The following COX7B2 variants were observed in gnomAD, a reference collection of about 807,000 sequenced individuals.
COX7B2 encodes cytochrome c oxidase subunit 7B2, mitochondrial.
For missense variants in COX7B2, 109 were observed against 95.9 expected, an observed-to-expected ratio of 1.14 and a Z score of -0.57; for synonymous variants, 37 against 32.1, an observed-to-expected ratio of 1.15 and a Z score of -0.51.
chr4:46,848,195 G>T (rs1716419152), intron 1 of COX7B2, among the ~76,000 whole-genome samples: 1 of 151,974 alleles, frequency 6.6e-6, no homozygotes, highest in African/African-American at 2.4e-5. Flanking sequence ...TGTTTATGAG[G>T]CTTTGAAGGT....
At chr4:46,818,096 C>T (rs541992390) in intron 2 of COX7B2, among the ~76,000 whole-genome samples, 1 of 152,200 alleles carries the variant, frequency 6.6e-6, no homozygotes, top group South Asian at 2.1e-4. Context: ...CTTGGATGGA[C>T]TATTTGAAAA....
chr4:46,758,725 G>A (rs564809927), intron 2 of COX7B2, among the ~76,000 whole-genome samples: 92 of 152,210 alleles, frequency 6.0e-4, no homozygotes, highest in Non-Finnish European at 9.0e-4. Flanking sequence ...GCATAGGAGC[G>A]TAGCCAGCAT....
chr4:46,766,510 G>A (rs1019747870), intron 2 of COX7B2, among the ~76,000 whole-genome samples: 1 of 151,922 alleles, frequency 6.6e-6, no homozygotes, highest in African/African-American at 2.4e-5. Context: ...GACCAGCCTG[G>A]CTAACATGGT....
chr4:46,897,731 T>C (rs1213838219), intron 1 of COX7B2, among the ~76,000 whole-genome samples: 1 of 152,120 alleles, frequency 6.6e-6, no homozygotes, highest in Non-Finnish European at 1.5e-5. Context: ...CAGTCTGCAA[T>C]AACAGATGAC....
At chr4:46,836,957 T>C (rs748871964) in intron 2 of COX7B2, among the ~76,000 whole-genome samples, 9 of 152,116 alleles carry the variant, frequency 5.9e-5, no homozygotes, top group Non-Finnish European at 1.0e-4. Flanking sequence ...TGAATATATA[T>C]TGACACTAAA....
intron 2 of COX7B2, among the ~76,000 whole-genome samples, chr4:46,810,394 G>T (rs1719228354): frequency 6.6e-6 from 1 of 151,840 alleles, no homozygotes; most frequent in South Asian, 2.1e-4. Context: ...ATAATTTTCT[G>T]TAGTGCTAAC....
intron 2 of COX7B2, among the ~76,000 whole-genome samples, chr4:46,807,948 A>G (rs1719089638): frequency 6.6e-6 from 1 of 151,938 alleles, no homozygotes; most frequent in Non-Finnish European, 1.5e-5. Flanking sequence ...ATTTTAAATC[A>G]GGAAATATGA....
chr4:46,847,518 T>G (rs1401795195), intron 1 of COX7B2, among the ~76,000 whole-genome samples: 6 of 152,078 alleles, frequency 3.9e-5, no homozygotes, highest in African/African-American at 1.4e-4. Context: ...ACTGCAGCCT[T>G]GCAGAAGACC....
chr4:46,790,279 C>G (rs1717969681), intron 2 of COX7B2, among the ~76,000 whole-genome samples: 1 of 152,122 alleles, frequency 6.6e-6, no homozygotes, highest in Non-Finnish European at 1.5e-5. Context: ...AGATGATTAA[C>G]AGTTTGTATG....
At chr4:46,803,604 G>A (rs546247331) in intron 2 of COX7B2, among the ~76,000 whole-genome samples, 12 of 151,934 alleles carry the variant, frequency 7.9e-5, no homozygotes, top group Non-Finnish European at 1.8e-4. Flanking sequence ...AAAGTGTTTA[G>A]CATATATTTA....
intron 2 of COX7B2, among the ~76,000 whole-genome samples, chr4:46,739,818 C>T (rs1478513306): frequency 6.6e-6 from 1 of 151,950 alleles, no homozygotes; most frequent in Admixed American, 6.6e-5. Flanking sequence ...AAATGCCCAA[C>T]AGATGAGCCT....
At chr4:46,735,980 G>T (rs183994207) in intron 2 of COX7B2, among the ~76,000 whole-genome samples, 1 of 152,012 alleles carries the variant, frequency 6.6e-6, no homozygotes, top group Admixed American at 6.6e-5. Context: ...TTCCACCAGG[G>T]TTGTACATTT....
chr4:46,735,186 A>G lies in COX7B2; in HGVS notation c.7T>C (p.Phe3Leu). 1 of 1,613,088 alleles carries G rather than the reference A, an allele frequency of 6.2e-7. No homozygotes were observed. Among genetic ancestry groups the G allele is most frequent in the Non-Finnish European group, 8.5e-7 (1 of 1,179,732 alleles). ...CTTAGTGCATTTCTGGCCAAGGGAA[A>G]CATCATGAAGGATTGCAGTTGCCTT... MM[F>L]PLARNALSSL... The change falls in exon 3 of 3, where the codon TTT (phenylalanine) becomes CTT (leucine). Residue 3 changes from phenylalanine to leucine, a missense_variant. Physicochemically the swap from Phe to Leu is conservative, Grantham distance 22 (BLOSUM62 0). Coordinates refer to ENST00000355591, the MANE Select transcript of COX7B2 (RefSeq NM_130902.3).
chr4:46,765,334 G>T (rs1477168194), intron 2 of COX7B2, among the ~76,000 whole-genome samples: 1 of 152,134 alleles, frequency 6.6e-6, no homozygotes, highest in Non-Finnish European at 1.5e-5. Flanking sequence ...CGTAAGGAGA[G>T]TGAAGTGAGT....
chr4:46,886,617 T>C (rs1045757806), intron 1 of COX7B2, among the ~76,000 whole-genome samples: 28 of 152,198 alleles, frequency 1.8e-4, no homozygotes, highest in Non-Finnish European at 7.4e-5. Flanking sequence ...TCAGAAGAAT[T>C]TGATATAAAT....
At chr4:46,815,323 A>G (rs2109674951) in intron 2 of COX7B2, among the ~76,000 whole-genome samples, 1 of 152,346 alleles carries the variant, frequency 6.6e-6, no homozygotes, top group Admixed American at 6.5e-5. Flanking sequence ...ATAAGTATGA[A>G]CAAAACTATA....
chr4:46,834,732 G>A (rs1160636015), intron 2 of COX7B2, among the ~76,000 whole-genome samples: 1 of 151,880 alleles, frequency 6.6e-6, no homozygotes, highest in Non-Finnish European at 1.5e-5. Context: ...TGAAGAGTGT[G>A]CATAATATTA....
chr4:46,735,129 T>C lies in COX7B2; in HGVS notation c.64A>G (p.Met22Val), dbSNP rs61754514. Residue 22 changes from methionine (M) to valine (V), a missense_variant, in exon 3 of 3, where the codon ATG becomes GTG. Coordinates refer to ENST00000355591, the MANE Select transcript of COX7B2 (RefSeq NM_130902.3). ...TGTTTTACATGGCTATGTCTTGCCA[T>C]GCTTTGCAGAATGCTTTGAATCTTG... ...SLKIQSILQS[M>V]ARHSHVKHSP... 47 of 1,613,664 alleles carry C rather than the reference T, an allele frequency of 2.9e-5. No individual in the cohort carries two copies. The highest frequency in any genetic ancestry group is 4.0e-5 in the African/African-American group (3 of 74,924).
intron 1 of COX7B2, among the ~76,000 whole-genome samples, chr4:46,893,019 C>T (rs1415405686): frequency 6.6e-6 from 1 of 152,170 alleles, no homozygotes; most frequent in Non-Finnish European, 1.5e-5. Context: ...TTGTAAGTTT[C>T]CTGAGACCTC....
Sources: gnomAD v4.1 joint callset for allele counts (sites outside exome capture counted in the v4.1 genomes callset) on GRCh38, gnomAD v4.1.1 for gene constraint, MANE v1.5 for transcripts, NCBI Gene and HGNC (gene_info 2026-07-23, HGNC 2026-07-21) for gene names.